Variants in CNOT7 observed in about 807,000 individuals in gnomAD.
CNOT7 encodes CCR4-NOT transcription complex subunit 7.
A neutral mutation model predicts 37.1 loss-of-function variants in CNOT7; 4 were observed. The ratio of observed to expected loss-of-function variants is 0.11; its 90% CI spans 0.05 to 0.25. The LOEUF (loss-of-function observed/expected upper bound fraction) is 0.25. CNOT7 is among the 10% of genes least tolerant of loss of function. The probability of loss-of-function intolerance (pLI) is 1.00; values close to 1 mark genes in which losing one functional copy is unlikely to be tolerated. For missense variants in CNOT7, 170 were observed against 336.2 expected (o/e 0.51, Z 3.87); for synonymous variants, 128 against 115.6 (o/e 1.11, Z -0.69).
At chr8:17,233,150 GAGAA>G (rs1405681758) in intron 5 of CNOT7, among the ~76,000 whole-genome samples, 1 of 151,900 alleles carries the variant, frequency 6.6e-6, no homozygotes, top group African/African-American at 2.4e-5. Context: ...AAGAAAGAAA[GAGAA>G]AGACAGTAAC....
At chr8:17,244,297 T>G (rs938780369) in intron 2 of CNOT7, 2 of 152,412 alleles carry the variant, frequency 1.3e-5, no homozygotes, top group Non-Finnish European at 2.9e-5. Flanking sequence ...AGTAACACAG[T>G]ATATTCACAG....
In CNOT7 at chr8:17,228,113, C is replaced by G. The variant is rs1027119709; in HGVS notation, c.*2607G>C. ...TGAATTTCATGTAATTTTCAGATGT[C>G]AGGAAATAATCTTTTGATTATTTTT... On this transcript the variant is annotated 3_prime_UTR_variant, in exon 7 of 7. Coordinates refer to ENST00000361272, the MANE Select transcript of CNOT7 (RefSeq NM_013354.7). 5.9e-5 allele frequency: 9 copies of G among 151,848 alleles called. No homozygotes were observed. The highest frequency in any genetic ancestry group is 5.8e-4 in the East Asian group (3 of 5,188). The allele number at this position is 151,848 out of a possible 1,614,324, so 9.4% of individuals were successfully genotyped here. A position where few individuals can be genotyped will look rare whatever the true frequency, so the allele number is the denominator to read the frequency against.
chr8:17,240,336 C>A (rs571186279), intron 3 of CNOT7, among the ~76,000 whole-genome samples: 36 of 150,372 alleles, frequency 2.4e-4, no homozygotes, highest in Admixed American at 3.3e-4. Flanking sequence ...TGTCAACTTT[C>A]TTAAAACATT....
At chr8:17,234,545 T>C in intron 5 of CNOT7, 171 bp downstream of exon 5, 1 of 664,058 alleles carries the variant, frequency 1.5e-6, no homozygotes, top group Non-Finnish European at 2.6e-6. Context: ...GAAAAAAGGA[T>C]TCCCTACAAA....
At chr8:17,237,599 G>C (rs1270660855) in intron 3 of CNOT7, 2 of 458,060 alleles carry the variant, frequency 4.4e-6, no homozygotes, top group Non-Finnish European at 7.8e-6. Flanking sequence ...GTCCAAAGGT[G>C]CAATTTTAAT....
chr8:17,237,349 A>G lies in CNOT7; in HGVS notation c.336T>C (p.Ser112=), dbSNP rs761211552. ...TACCAGATGTTGTTAGTAGCTCTAT[A>G]GAGTCCTGGGCATACATGTCCTCCC... is the stretch of plus-strand genomic sequence containing the variant. ...NLTEDMYAQD[S]IELLTTSGIQ... Residue 112 remains serine, a synonymous_variant, in exon 4 of 7, where the codon TCT becomes TCC. Coordinates refer to ENST00000361272, the MANE Select transcript of CNOT7 (RefSeq NM_013354.7). The G allele has an allele frequency of 3.7e-6, 6 of 1,613,982 alleles. No homozygotes were observed. The highest frequency in any genetic ancestry group is 1.7e-5 in the Admixed American group (1 of 60,004).
chr8:17,244,870 A>C (rs1053706670), intron 2 of CNOT7, 166 bp downstream of exon 2: 6 of 591,710 alleles, frequency 1.0e-5, no homozygotes, highest in Admixed American at 3.2e-5. Context: ...CTGTCAAATC[A>C]CAGGTGTATT....
intron 3 of CNOT7, among the ~76,000 whole-genome samples, chr8:17,238,105 C>T: frequency 6.6e-6 from 1 of 152,172 alleles, no homozygotes; most frequent in East Asian, 1.9e-4. Flanking sequence ...ATATTTCCAA[C>T]CACAAATATG....
At chr8:17,240,077 C>T (rs901885022) in intron 3 of CNOT7, among the ~76,000 whole-genome samples, 4 of 152,262 alleles carry the variant, frequency 2.6e-5, no homozygotes, top group African/African-American at 9.6e-5. Flanking sequence ...AACTGACACT[C>T]ATTCTAGCCA....
Position 17,243,144 on chromosome 8 carries a change from T to C in CNOT7, c.159A>G (p.Glu53=). The C allele has an allele frequency of 6.2e-7, 1 of 1,607,500 alleles. No individual in the cohort carries two copies. The highest frequency in any genetic ancestry group is 8.5e-7 in the Non-Finnish European group (1 of 1,178,602). ...FPGVVARPIG[E]FRSNADYQYQ... Reference sequence around the variant, plus strand: ...ATTGATAGTCAGCATTGCTCCTGAATTCTCCAATGGGTCTTGCAACCACAC... The same window carrying C: ...ATTGATAGTCAGCATTGCTCCTGAACTCTCCAATGGGTCTTGCAACCACAC... Residue 53 remains glutamate (E), a synonymous_variant, in exon 3 of 7, where the codon GAA becomes GAG. Transcript: ENST00000361272.
chr8:17,231,015 A>C (rs568205422), intron 6 of CNOT7, among the ~76,000 whole-genome samples, 167 bp from the exon 7 acceptor site: 1 of 152,248 alleles, frequency 6.6e-6, no homozygotes, highest in South Asian at 2.1e-4. Flanking sequence ...AGTAAGACTA[A>C]TGTCCTCAAA....
chr8:17,227,861 C>T lies in CNOT7; in HGVS notation c.*2859G>A, dbSNP rs1412846364. 6.6e-6 allele frequency: 1 copy of T among 151,788 alleles called. No individual in the cohort carries two copies. Among genetic ancestry groups the T allele is most frequent in the East Asian group, 1.9e-4 (1 of 5,184 alleles). The allele number at this position is 151,788 out of a possible 1,614,324, so 9.4% of individuals were successfully genotyped here. Reference sequence around the variant, plus strand: ...TGAGATACAGGGCATGAACTGGTAGCAGAAAAAGTAATAAATCTAGCAATA... The same window carrying T: ...TGAGATACAGGGCATGAACTGGTAGTAGAAAAAGTAATAAATCTAGCAATA... On this transcript the variant is annotated 3_prime_UTR_variant, in exon 7 of 7. Transcript: ENST00000361272.
chr8:17,228,209 G>A lies in CNOT7; in HGVS notation c.*2511C>T, dbSNP rs955950720. On this transcript the variant is annotated 3_prime_UTR_variant, in exon 7 of 7. Coordinates refer to ENST00000361272, the MANE Select transcript of CNOT7 (RefSeq NM_013354.7). The stretch of plus-strand genomic sequence containing the variant: ...CAGGCAGCAAGCTGATTCTGGCTAC[G>A]GGCCATAGTTTGACAACCCTTGCTC... 3 of 151,830 alleles carry A rather than the reference G, an allele frequency of 2.0e-5. No homozygotes were observed. The highest frequency in any genetic ancestry group is 1.9e-4 in the East Asian group (1 of 5,190). 9.4% of individuals were successfully genotyped at this position (151,830 alleles called of 1,614,324 possible).
At chr8:17,237,476 G>A in intron 3 of CNOT7, 103 bp from the exon 4 acceptor site, 1 of 1,053,692 alleles carries the variant, frequency 9.5e-7, no homozygotes, top group Non-Finnish European at 1.4e-6. Context: ...AGAGACAGAG[G>A]AATGGCTTGA....
chr8:17,241,670 A>T (rs1810184795), intron 3 of CNOT7: 1 of 152,186 alleles, frequency 6.6e-6, no homozygotes, highest in Non-Finnish European at 1.5e-5. Context: ...ATATTGCAAC[A>T]TACAGTTAAG....
At position 17,229,302 on chromosome 8, in the gene CNOT7, ATGTTT is replaced by A. The variant is rs1394509478; in HGVS notation, c.*1413_*1417del. On this transcript the variant is annotated 3_prime_UTR_variant, in exon 7 of 7. Coordinates refer to ENST00000361272, the MANE Select transcript of CNOT7 (RefSeq NM_013354.7). ...AATAATACCCTCTGTTTTGCAAATA[ATGTTT>A]TGTTTAAAAAGGACCACCCAGTTAC... 1 of 148,924 alleles carries A rather than the reference ATGTTT, an allele frequency of 6.7e-6. No individual in the cohort carries two copies. The highest frequency in any genetic ancestry group is 2.6e-5 in the African/African-American group (1 of 38,462). 9.2% of individuals were successfully genotyped at this position (148,924 alleles called of 1,614,324 possible).
At chr8:17,243,757 C>A in intron 2 of CNOT7, 1 of 408,512 alleles carries the variant, frequency 2.4e-6, no homozygotes, top group South Asian at 1.8e-5. Flanking sequence ...CTCTATGTTG[C>A]CACTCTTTAT....
intron 4 of CNOT7, among the ~76,000 whole-genome samples, chr8:17,235,721 G>C (rs1809262732): frequency 6.6e-6 from 1 of 152,074 alleles, no homozygotes; most frequent in South Asian, 2.1e-4. Flanking sequence ...GATTATATTA[G>C]CGCTTAGGAT....
At chr8:17,234,032 C>T (rs1054344746) in intron 5 of CNOT7, among the ~76,000 whole-genome samples, 10 of 152,060 alleles carry the variant, frequency 6.6e-5, no homozygotes, top group Admixed American at 4.6e-4. Context: ...CCAGCCTGGG[C>T]GACAAGAGCA....
Sources: allele counts gnomAD v4.1 joint callset (sites outside exome capture counted in the v4.1 genomes callset), GRCh38; gene constraint gnomAD v4.1.1; transcripts MANE v1.5; gene names NCBI Gene and HGNC (gene_info 2026-07-23, HGNC 2026-07-21).